The following CHD9 variants were observed in gnomAD, a reference collection of about 807,000 sequenced individuals.
CHD9 encodes ATP-dependent chromatin remodeler CHD9.
A neutral mutation model predicts 316.1 loss-of-function variants in CHD9; 77 were observed. That is an observed-to-expected ratio of 0.24 (90% CI 0.20 to 0.29). The LOEUF (loss-of-function observed/expected upper bound fraction) is 0.29, where lower values mean the gene tolerates loss of function less well. CHD9 is among the 10% of genes least tolerant of loss of function. The pLI, the probability that CHD9 is intolerant of heterozygous loss-of-function variation, is 1.00. For synonymous variants in CHD9, 1,129 were observed against 1,158.3 expected, an observed-to-expected ratio of 0.97 and a Z score of 0.51; for missense variants, 2,763 against 3,438.1, an observed-to-expected ratio of 0.80 and a Z score of 4.91.
At chr16:53,076,722 G>A (rs1216613954) in intron 1 of CHD9, among the ~76,000 whole-genome samples, 6 of 151,886 alleles carry the variant, frequency 4.0e-5, no homozygotes, top group African/African-American at 1.4e-4. Flanking sequence ...GCAGTGAGCT[G>A]AGATCATGCC....
chr16:53,276,798 A>G (rs975464394), intron 24 of CHD9, among the ~76,000 whole-genome samples: 6 of 152,002 alleles, frequency 3.9e-5, no homozygotes, highest in Non-Finnish European at 5.9e-5. Flanking sequence ...ACATTCTCAG[A>G]CTCCATTTCT....
At chr16:53,138,441 G>A (rs938581133) in intron 1 of CHD9, among the ~76,000 whole-genome samples, 7 of 152,108 alleles carry the variant, frequency 4.6e-5, no homozygotes, top group Admixed American at 6.6e-5. Flanking sequence ...CTTACATGTC[G>A]TATTAAACTA....
intron 1 of CHD9, among the ~76,000 whole-genome samples, chr16:53,104,453 T>C (rs1180218422): frequency 6.6e-6 from 1 of 152,178 alleles, no homozygotes; most frequent in African/African-American, 2.4e-5. Context: ...GGAGGAGAGA[T>C]TCTTATTTTG....
rs549304693 is a variant in CHD9, at chr16:53,151,650, C to T, written c.-164-4276C>T. Among the ~76,000 whole-genome samples the T allele has an allele frequency of 4.6e-5, 7 of 152,092 alleles. 1 individual carries two copies. Among genetic ancestry groups the T allele is most frequent in the South Asian group, 4.1e-4 (2 of 4,824 alleles). On this transcript the variant is annotated intron_variant, in intron 1 of 38. Transcript: ENST00000447540. Reference sequence around the variant, plus strand: ...TCTTCAAGTTTGCTGATTATTTCTTCGGTTTGCTCAAATCTCCTGTTGAAC... The same window carrying T: ...TCTTCAAGTTTGCTGATTATTTCTTTGGTTTGCTCAAATCTCCTGTTGAAC...
chr16:53,168,530 T>A (rs2152773370), intron 2 of CHD9: 1 of 152,230 alleles, frequency 6.6e-6, no homozygotes, highest in African/African-American at 2.4e-5. Context: ...CTACTAATGG[T>A]TTAGTAGAAA....
At chr16:53,233,098 C>T (rs892029405) in intron 10 of CHD9, among the ~76,000 whole-genome samples, 10 of 152,144 alleles carry the variant, frequency 6.6e-5, no homozygotes, top group African/African-American at 2.2e-4. Flanking sequence ...ACCATCTACC[C>T]AGATATAGCA....
chr16:53,134,768 A>G (rs1020580465), intron 1 of CHD9, among the ~76,000 whole-genome samples: 3 of 152,224 alleles, frequency 2.0e-5, no homozygotes, highest in Admixed American at 6.5e-5. Context: ...TTTGAACTGT[A>G]ATTTATTCTC....
At chr16:53,262,322 T>C (rs1414436159) in intron 19 of CHD9, among the ~76,000 whole-genome samples, 1 of 152,200 alleles carries the variant, frequency 6.6e-6, no homozygotes, top group Non-Finnish European at 1.5e-5. Flanking sequence ...TGAAGTGTTA[T>C]CTTTAGAGTT....
chr16:53,150,750 A>T (rs752262795), intron 1 of CHD9, among the ~76,000 whole-genome samples: 1 of 152,124 alleles, frequency 6.6e-6, no homozygotes, highest in African/African-American at 2.4e-5. Context: ...TTTTGCATAG[A>T]ATTCTTAGTC....
At chr16:53,215,810 A>T (rs1414830538) in intron 3 of CHD9, among the ~76,000 whole-genome samples, 1 of 152,202 alleles carries the variant, frequency 6.6e-6, no homozygotes, top group African/African-American at 2.4e-5. Context: ...CTTGGGCAGG[A>T]TTGAAATAAG....
chr16:53,088,279 G>GTT (rs71143964), intron 1 of CHD9, among the ~76,000 whole-genome samples: 2 of 136,154 alleles, frequency 1.5e-5, no homozygotes, highest in Non-Finnish European at 1.5e-5. Flanking sequence ...CATGCACTTT[G>GTT]TTTTTTTTTT....
In CHD9 at chr16:53,304,463, T is replaced by C. The variant is rs1459298092; in HGVS notation, c.6457T>C (p.Ser2153Pro). 1 of 1,569,742 alleles carries C rather than the reference T, an allele frequency of 6.4e-7. No homozygotes were observed. Among genetic ancestry groups the C allele is most frequent in the Non-Finnish European group, 8.6e-7 (1 of 1,157,436 alleles). The change falls in exon 31 of 39, where the codon TCC (serine) becomes CCC (proline). Residue 2153 changes from serine (S) to proline (P), a missense_variant. By Grantham distance (74) the Ser-to-Pro change is moderately conservative. Coordinates refer to ENST00000447540, the MANE Select transcript of CHD9 (RefSeq NM_001308319.2). ...CSSRSSSSSS[S>P]SSCSHSRSGS... ...TTCCAGATCATCTTCTTCCTCATCA[T>C]CCTCTTCTTGCTCCCACTCTCGATC...
chr16:53,313,709 CCG>C (rs2056657645), intron 34 of CHD9, among the ~76,000 whole-genome samples: 1 of 72,348 alleles, frequency 1.4e-5, no homozygotes, highest in Non-Finnish European at 3.1e-5. Context: ...CTTTGGGAGG[CCG>C]AGGCCGAGGC....
At chr16:53,298,022 T>G (rs1168613226) in intron 30 of CHD9, among the ~76,000 whole-genome samples, 1 of 152,254 alleles carries the variant, frequency 6.6e-6, no homozygotes, top group African/African-American at 2.4e-5. Context: ...TTTAAAAATT[T>G]TCTTAATTCC....
intron 2 of CHD9, among the ~76,000 whole-genome samples, chr16:53,166,110 A>G (rs1382708972): frequency 1.3e-5 from 2 of 152,102 alleles, no homozygotes; most frequent in African/African-American, 4.8e-5. Context: ...TGGTTTTGTT[A>G]TTTCTGTCAG....
intron 2 of CHD9, among the ~76,000 whole-genome samples, chr16:53,174,947 G>T (rs976359935): frequency 6.6e-6 from 1 of 152,172 alleles, no homozygotes; most frequent in African/African-American, 2.4e-5. Context: ...CTGGGATGCA[G>T]TTAAGTACTT....
rs774120902 is a variant in CHD9 at position 53,157,329 on chromosome 16, C to G, written c.1240C>G (p.Leu414Val). ...CCCCGAGGACCTCCTTCAGGAGGGT[C>G]TTCTTCCTCACTTTGATGAGTCAAC... ...LDPEDLLQEG[L>V]LPHFDESTFG... The change falls in exon 2 of 39, where the codon CTT (leucine) becomes GTT (valine). Residue 414 changes from leucine (L) to valine (V), a missense_variant. Transcript: ENST00000447540. 2 of 1,613,704 alleles carry G rather than the reference C, an allele frequency of 1.2e-6. No homozygotes were observed. The highest frequency in any genetic ancestry group is 2.2e-5 in the South Asian group (2 of 91,018).
At position 53,304,529 on chromosome 16, in the gene CHD9, T is replaced by A; in HGVS notation, c.6523T>A (p.Ser2175Thr). 1 of 1,547,970 alleles carries A rather than the reference T, an allele frequency of 6.5e-7. No individual in the cohort carries two copies. The highest frequency in any genetic ancestry group is 8.7e-7 in the Non-Finnish European group (1 of 1,143,432). The change falls in exon 31 of 39, where the codon TCT becomes ACT. Residue 2175 changes from serine (S) to threonine (T), a missense_variant. Around this residue, in one of 15 missense-constraint regions of CHD9, gnomAD observed 663 missense variants for 751.2 expected, o/e 0.88. Coordinates refer to ENST00000447540, the MANE Select transcript of CHD9 (RefSeq NM_001308319.2). ...SSSSSSCSSA[S>T]SSSSSSTSSS... ...TTCATCTTCATCTTGTTCTTCAGCA[T>A]CTTCTTCATCCTCTTCCTCCACCTC...
intron 2 of CHD9, among the ~76,000 whole-genome samples, chr16:53,161,270 C>T (rs1453886688): frequency 6.6e-6 from 1 of 152,132 alleles, no homozygotes; most frequent in African/African-American, 2.4e-5. Context: ...TTATAGGTCA[C>T]ACATCTTAAA....
Sources: gnomAD v4.1 joint callset for allele counts (sites outside exome capture counted in the v4.1 genomes callset) on GRCh38, gnomAD v4.1.1 for gene constraint, gnomAD v4.1.1 regional missense constraint, MANE v1.5 for transcripts, NCBI Gene and HGNC (gene_info 2026-07-23, HGNC 2026-07-21) for gene names.